Variants in CBFA2T3 observed in about 807,000 individuals in gnomAD.
CBFA2T3 encodes the protein CBFA2/RUNX1 partner transcriptional co-repressor 3, also known as transcriptional corepressor CBFA2T3.
A neutral mutation model predicts 58.6 loss-of-function variants in CBFA2T3; 31 were observed. That is an observed-to-expected ratio of 0.53 (90% CI 0.40 to 0.71). The LOEUF (loss-of-function observed/expected upper bound fraction) is 0.71, where lower values mean the gene tolerates loss of function less well. Ranked by LOEUF, CBFA2T3 falls within the 30% of genes least tolerant of loss-of-function variation. The probability of loss-of-function intolerance (pLI) is 0.00; values close to 1 mark genes in which losing one functional copy is unlikely to be tolerated. For synonymous variants in CBFA2T3, 531 were observed against 421.9 expected (o/e 1.26, Z -3.17); for missense variants, 1,076 against 963.1 (o/e 1.12, Z -1.55).
chr16:88,967,416 T>C (rs1972541880), intron 1 of CBFA2T3, among the ~76,000 whole-genome samples: 2 of 151,646 alleles, frequency 1.3e-5, no homozygotes, highest in African/African-American at 4.8e-5. Flanking sequence ...ACACCCTAAG[T>C]GCTGCCATGC....
chr16:88,892,133 C>T, intron 4 of CBFA2T3, 111 bp downstream of exon 4: 6 of 1,447,034 alleles, frequency 4.1e-6, no homozygotes, highest in Non-Finnish European at 5.7e-6. Context: ...GGAGCGGGTC[C>T]ACGCCCGGTT....
chr16:88,929,273 C>G (rs1440846594), intron 1 of CBFA2T3, among the ~76,000 whole-genome samples: 1 of 122,936 alleles, frequency 8.1e-6, no homozygotes, highest in Non-Finnish European at 1.8e-5. Flanking sequence ...AGCCCGTGAC[C>G]TCAGGCAAAC....
intron 1 of CBFA2T3, among the ~76,000 whole-genome samples, chr16:88,920,759 G>A (rs1766657663): frequency 1.3e-5 from 2 of 152,318 alleles, no homozygotes; most frequent in African/African-American, 4.8e-5. Context: ...ATTCTGCCAG[G>A]AGGACTGGGT....
chr16:88,952,630 C>T (rs549559465), intron 1 of CBFA2T3, among the ~76,000 whole-genome samples: 15 of 152,242 alleles, frequency 9.9e-5, no homozygotes, highest in South Asian at 8.3e-4. Flanking sequence ...AGGCACACAC[C>T]GCTCCCCTGC....
At chr16:88,902,969 C>T (rs1970159138) in intron 1 of CBFA2T3, among the ~76,000 whole-genome samples, 1 of 152,156 alleles carries the variant, frequency 6.6e-6, no homozygotes, top group Admixed American at 6.5e-5. Flanking sequence ...GACTGCCCTG[C>T]ACCCTCCTCC....
At chr16:88,889,182 A>C (rs1969522300) in intron 5 of CBFA2T3, among the ~76,000 whole-genome samples, 1 of 151,594 alleles carries the variant, frequency 6.6e-6, no homozygotes, top group Admixed American at 6.6e-5. Context: ...AACGAACTGC[A>C]AACGACGCCA....
At chr16:88,890,823 C>A (rs1345044672) in intron 5 of CBFA2T3, among the ~76,000 whole-genome samples, 1 of 152,172 alleles carries the variant, frequency 6.6e-6, no homozygotes, top group Non-Finnish European at 1.5e-5. Flanking sequence ...TTCAAGCAAT[C>A]CTCCCACCTC....
chr16:88,881,268 CT>C, intron 9 of CBFA2T3, 22 bp downstream of exon 9: 1 of 1,594,346 alleles, frequency 6.3e-7, no homozygotes, highest in Non-Finnish European at 8.5e-7. Context: ...TGTCTGCTCC[CT>C]CCCCCCACAC....
At chr16:88,966,301 T>G (rs1430590011) in intron 1 of CBFA2T3, among the ~76,000 whole-genome samples, 1 of 152,190 alleles carries the variant, frequency 6.6e-6, no homozygotes, top group Non-Finnish European at 1.5e-5. Context: ...GCTGCCATTT[T>G]ACCCTGGTCC....
rs779865796 is a variant in CBFA2T3 at position 88,875,017 on chromosome 16, G to A, written c.*1959C>T. The A allele has an allele frequency of 3.8e-5, 9 of 234,270 alleles. No homozygotes were observed. Among genetic ancestry groups the A allele is most frequent in the Admixed American group, 1.1e-4 (2 of 17,768 alleles). The allele number at this position is 234,270 out of a possible 1,614,324, so 14.5% of individuals were successfully genotyped here. A position where few individuals can be genotyped will look rare whatever the true frequency, so the allele number is the denominator to read the frequency against. ...CTGGTTCAGTAGCTGGGTCACTCCC[G>A]TATTGCACTGAGTTCCTAGAACTCC... is the stretch of plus-strand genomic sequence containing the variant. On this transcript the variant is annotated 3_prime_UTR_variant, in exon 12 of 12. Coordinates refer to ENST00000268679, the MANE Select transcript of CBFA2T3 (RefSeq NM_005187.6).
Position 88,875,295 on chromosome 16 carries a change from T to G in CBFA2T3, c.*1681A>C, listed in dbSNP as rs1968789313. 6.3e-6 allele frequency: 1 copy of G among 157,596 alleles called. No individual in the cohort carries two copies. Among genetic ancestry groups the G allele is most frequent in the Non-Finnish European group, 1.3e-5 (1 of 75,262 alleles). 9.8% of individuals were successfully genotyped at this position (157,596 alleles called of 1,614,324 possible). A position where few individuals can be genotyped will look rare whatever the true frequency, so the allele number is the denominator to read the frequency against. ...GCATGAATTTCTTTATCCCTTTATT[T>G]CCTTCTTGAAATCGCTGAGGCAGTT... On this transcript the variant is annotated 3_prime_UTR_variant, in exon 12 of 12. Transcript: ENST00000268679.
intron 8 of CBFA2T3, among the ~76,000 whole-genome samples, chr16:88,882,400 T>C (rs986044616): frequency 6.1e-5 from 9 of 147,692 alleles, no homozygotes; most frequent in African/African-American, 2.0e-4. Flanking sequence ...TGGCTGTGTG[T>C]GTGGGTGTGG....
At position 88,927,673 on chromosome 16, in the gene CBFA2T3, C is replaced by A. The variant is rs568800341; in HGVS notation, c.152-26017G>T. ...GGGGTTCAGCTGTCACAGAGGGAGC[C>A]GGGGAAGCCAGCACTGCCTGGGATG... On this transcript the variant is annotated intron_variant, in intron 1 of 11. Coordinates refer to ENST00000268679, the MANE Select transcript of CBFA2T3 (RefSeq NM_005187.6). Among the ~76,000 whole-genome samples the A allele has an allele frequency of 6.4e-4, 97 of 152,270 alleles. 2 individuals carry two copies. Among genetic ancestry groups the A allele is most frequent in the Non-Finnish European group, 1.5e-4 (10 of 68,002 alleles).
At position 88,885,954 on chromosome 16, in the gene CBFA2T3, C is replaced by G; in HGVS notation, c.893+7G>C. 1 of 1,547,714 alleles carries G rather than the reference C, an allele frequency of 6.5e-7. No individual in the cohort carries two copies. The highest frequency in any genetic ancestry group is 8.7e-7 in the Non-Finnish European group (1 of 1,146,686). On this transcript the variant is annotated splice_region_variant and intron_variant, in intron 6 of 11. Coordinates refer to ENST00000268679, the MANE Select transcript of CBFA2T3 (RefSeq NM_005187.6). This position sits in a 1 kb window ranked among gnomAD's most constrained non-coding sequence, Gnocchi z 5.3. Reference sequence around the variant, plus strand: ...CCCCAGCCCAGATCCCCGGAGCCCACAGGTACCTGTCGGGCGTCCTCCTCT... The same window carrying G: ...CCCCAGCCCAGATCCCCGGAGCCCAGAGGTACCTGTCGGGCGTCCTCCTCT...
intron 1 of CBFA2T3, among the ~76,000 whole-genome samples, 155 bp from the exon 2 acceptor site, chr16:88,901,811 C>T (rs553326932): frequency 4.8e-4 from 73 of 152,284 alleles, no homozygotes; most frequent in African/African-American, 1.4e-3. Flanking sequence ...TGACGTCCCA[C>T]GTGCAGGATC....
chr16:88,930,613 C>G lies in CBFA2T3; in HGVS notation c.152-28957G>C, dbSNP rs189252796. Among the ~76,000 whole-genome samples the G allele has an allele frequency of 4.1e-4, 61 of 150,570 alleles. 1 individual carries two copies. The East Asian group carries it at 0.011, about 27-fold the overall frequency. ...CCACACGTGGCCCCGTCACCTTCATCCGCGGTGTCCAGAACAGGCAAGTTC... is the reference window on the plus strand; with the variant it reads ...CCACACGTGGCCCCGTCACCTTCATGCGCGGTGTCCAGAACAGGCAAGTTC... On this transcript the variant is annotated intron_variant, in intron 1 of 11. Transcript: ENST00000268679.
At chr16:88,967,689 C>T (rs932289304) in intron 1 of CBFA2T3, among the ~76,000 whole-genome samples, 1 of 152,172 alleles carries the variant, frequency 6.6e-6, no homozygotes, top group Non-Finnish European at 1.5e-5. Flanking sequence ...GCGTGGCTCC[C>T]GCGACCTGGC....
intron 1 of CBFA2T3, among the ~76,000 whole-genome samples, chr16:88,917,853 A>AGTGGGTGCGGAGGAGAGC (rs879438054): frequency 1.3e-5 from 2 of 151,378 alleles, no homozygotes; most frequent in Non-Finnish European, 2.9e-5. Flanking sequence ...TGGACGACAG[A>AGTGGGTGCGGAGGAGAGC]GTGGGTGCGG....
intron 1 of CBFA2T3, among the ~76,000 whole-genome samples, chr16:88,923,049 C>A (rs1970972538): frequency 6.6e-6 from 1 of 152,214 alleles, no homozygotes. Context: ...CCTAGCGCAC[C>A]CCAGCTGCCT....
Sources: allele counts gnomAD v4.1 joint callset (sites outside exome capture counted in the v4.1 genomes callset), GRCh38; gene constraint gnomAD v4.1.1; non-coding constraint Gnocchi (gnomAD v3.1); transcripts MANE v1.5; gene names NCBI Gene and HGNC (gene_info 2026-07-23, HGNC 2026-07-21).